The following SDK1 variants were observed in gnomAD, a reference collection of about 807,000 sequenced individuals.
The protein encoded by SDK1 is protein sidekick-1.
In SDK1, 157 loss-of-function variants were observed where a neutral mutation model predicts 245.5. That is an observed-to-expected ratio of 0.64 (90% CI 0.56 to 0.73). SDK1 has a LOEUF of 0.73. Ranked by LOEUF, SDK1 falls within the 30% of genes least tolerant of loss-of-function variation. SDK1 has a pLI of 0.00. For missense variants in SDK1, 3,583 were observed against 3,002.3 expected, an observed-to-expected ratio of 1.19 and a Z score of -4.52; for synonymous variants, 1,647 against 1,278.5, an observed-to-expected ratio of 1.29 and a Z score of -6.15.
intron 19 of SDK1, among the ~76,000 whole-genome samples, chr7:4,063,332 A>C (rs1779659053): frequency 6.6e-6 from 1 of 152,208 alleles, no homozygotes; most frequent in African/African-American, 2.4e-5. Flanking sequence ...ATAAATCAAG[A>C]AGTTGATTCC....
chr7:3,757,559 G>A (rs1337085881), intron 4 of SDK1, among the ~76,000 whole-genome samples: 1 of 152,050 alleles, frequency 6.6e-6, no homozygotes, highest in Admixed American at 6.5e-5. Flanking sequence ...TACTTTCTAT[G>A]ACCAATTTAT....
At chr7:4,246,811 C>A (rs1019149026) in intron 44 of SDK1, among the ~76,000 whole-genome samples, 1 of 152,156 alleles carries the variant, frequency 6.6e-6, no homozygotes, top group African/African-American at 2.4e-5. Context: ...CTACCCGCCT[C>A]AGGCCTCCCC....
chr7:3,913,455 A>G (rs774717526), intron 5 of SDK1, among the ~76,000 whole-genome samples: 4 of 151,962 alleles, frequency 2.6e-5, no homozygotes, highest in African/African-American at 7.3e-5. Context: ...CACAACGCCC[A>G]GCTAATTTTT....
At chr7:3,646,566 C>T (rs766938917) in intron 4 of SDK1, among the ~76,000 whole-genome samples, 12 of 152,168 alleles carry the variant, frequency 7.9e-5, no homozygotes, top group Non-Finnish European at 1.3e-4. Context: ...ACACACAGAG[C>T]CAGGGTTCAC....
intron 1 of SDK1, among the ~76,000 whole-genome samples, chr7:3,460,325 T>A (rs1780794376): frequency 6.6e-6 from 1 of 152,198 alleles, no homozygotes; most frequent in Non-Finnish European, 1.5e-5. Flanking sequence ...GTGAGAAGAT[T>A]TAATTACTGA....
chr7:3,338,968 A>G (rs1031152240), intron 1 of SDK1, among the ~76,000 whole-genome samples: 6 of 152,228 alleles, frequency 3.9e-5, no homozygotes, highest in Admixed American at 3.9e-4. Flanking sequence ...CATACTAATA[A>G]TTGGCTTAAA....
At chr7:4,251,832 T>C (rs1016302724) in intron 44 of SDK1, among the ~76,000 whole-genome samples, 1 of 152,252 alleles carries the variant, frequency 6.6e-6, no homozygotes, top group African/African-American at 2.4e-5. Flanking sequence ...AGATTGTTTC[T>C]ACTTTTTGGT....
intron 5 of SDK1, among the ~76,000 whole-genome samples, chr7:3,892,413 G>A (rs957133949): frequency 7.2e-5 from 11 of 152,146 alleles, no homozygotes; most frequent in Admixed American, 5.2e-4. Flanking sequence ...CAGGAGCTCC[G>A]GAGGGGAAGC....
chr7:4,068,894 G>A (rs745319570), intron 20 of SDK1, among the ~76,000 whole-genome samples: 1 of 151,634 alleles, frequency 6.6e-6, no homozygotes, highest in Non-Finnish European at 1.5e-5. Context: ...GCTAATTTTT[G>A]TATTTTTAGT....
At chr7:3,693,984 T>C (rs1022018651) in intron 4 of SDK1, among the ~76,000 whole-genome samples, 1 of 152,200 alleles carries the variant, frequency 6.6e-6, no homozygotes, top group African/African-American at 2.4e-5. Flanking sequence ...CCCACCTGCA[T>C]GTGACTGACT....
intron 14 of SDK1, among the ~76,000 whole-genome samples, chr7:3,993,299 A>G (rs978462471): frequency 2.0e-5 from 3 of 152,130 alleles, no homozygotes; most frequent in Non-Finnish European, 2.9e-5. Flanking sequence ...CATGGCTGAA[A>G]CAGAAGAATG....
intron 5 of SDK1, among the ~76,000 whole-genome samples, chr7:3,902,447 A>C (rs886718724): frequency 6.6e-6 from 1 of 152,204 alleles, no homozygotes; most frequent in East Asian, 1.9e-4. Context: ...GAGAGATTTA[A>C]TATTTCCTTC....
chr7:3,514,751 C>T lies in SDK1; in HGVS notation c.299-104329C>T, dbSNP rs368751734. Among the ~76,000 whole-genome samples the T allele has an allele frequency of 3.3e-5, 5 of 152,224 alleles. No homozygotes were observed. The East Asian group carries it at 5.8e-4, about 18-fold the overall frequency. On this transcript the variant is annotated intron_variant, in intron 1 of 44. Coordinates refer to ENST00000404826, the MANE Select transcript of SDK1 (RefSeq NM_152744.4). ...GTCTCCTTGACCAGAACTGTAGGTACGTGGAACAAGGTACATTGTTTTATG... is the reference window on the plus strand; with the variant it reads ...GTCTCCTTGACCAGAACTGTAGGTATGTGGAACAAGGTACATTGTTTTATG...
In SDK1 at chr7:3,974,485, A is replaced by G. The variant is rs1348657869; in HGVS notation, c.1934A>G (p.Tyr645Cys). 6.2e-7 allele frequency: 1 copy of G among 1,614,026 alleles called. No homozygotes were observed. The highest frequency in any genetic ancestry group is 8.5e-7 in the Non-Finnish European group (1 of 1,180,028). Residue 645 changes from tyrosine to cysteine, a missense_variant, in exon 13 of 45, where the codon TAC (tyrosine) becomes TGC (cysteine). Coordinates refer to ENST00000404826, the MANE Select transcript of SDK1 (RefSeq NM_152744.4). Reference protein sequence around the residue: ...SQTWSGDIGDYSCEIVSEGGN... With the variant: ...SQTWSGDIGDCSCEIVSEGGN... ...ACGTGGTCAGGCGACATCGGTGACT[A>G]CAGCTGCGAGATTGTTTCTGAAGGA...
chr7:3,860,326 A>G (rs1170451498), intron 5 of SDK1, among the ~76,000 whole-genome samples: 1 of 152,230 alleles, frequency 6.6e-6, no homozygotes, highest in Admixed American at 6.5e-5. Flanking sequence ...AATCACTCGA[A>G]AAAAGACAAT....
intron 19 of SDK1, among the ~76,000 whole-genome samples, chr7:4,052,042 C>G (rs533873669): frequency 3.7e-4 from 56 of 152,094 alleles, no homozygotes; most frequent in African/African-American, 1.2e-3. Flanking sequence ...GGCCTTGGCT[C>G]AAGGAAGGAG....
chr7:3,690,241 A>G (rs1005169102), intron 4 of SDK1, among the ~76,000 whole-genome samples: 4 of 152,186 alleles, frequency 2.6e-5, no homozygotes, highest in Non-Finnish European at 5.9e-5. Flanking sequence ...GAATTTCCAC[A>G]TGACGATTAG....
chr7:3,559,476 A>AT (rs1164366501), intron 1 of SDK1, among the ~76,000 whole-genome samples: 4 of 151,282 alleles, frequency 2.6e-5, no homozygotes, highest in Admixed American at 1.3e-4. Context: ...AATGTTTCAA[A>AT]TTTTTTTTTA....
At position 3,893,605 on chromosome 7, in the gene SDK1, G is replaced by A. The variant is rs73294633; in HGVS notation, c.848-57318G>A. Among the ~76,000 whole-genome samples, 440 of 151,606 alleles carry A rather than the reference G, an allele frequency of 2.9e-3. 3 individuals carry two copies. Among genetic ancestry groups the A allele is most frequent in the African/African-American group, 0.01 (418 of 41,304 alleles). On this transcript the variant is annotated intron_variant, in intron 5 of 44. Transcript: ENST00000404826. ...GTCAAGCTTTCTGCAATCCTCCCCC[G>A]TCTAGCTGTCCTCTTGAGAATCTCC...
Sources: allele counts gnomAD v4.1 joint callset (sites outside exome capture counted in the v4.1 genomes callset), GRCh38; gene constraint gnomAD v4.1.1; transcripts MANE v1.5; gene names NCBI Gene and HGNC (gene_info 2026-07-23, HGNC 2026-07-21).